The following SPTBN5 variants were observed in gnomAD, a reference collection of about 807,000 sequenced individuals.
SPTBN5 encodes the protein spectrin beta, non-erythrocytic 5, also known as spectrin beta chain, non-erythrocytic 5.
SPTBN5 carries 513 observed loss-of-function variants against 477.6 expected under a neutral mutation model. The observed-to-expected ratio is 1.07, with a 90% CI of 1.00 to 1.16. SPTBN5 has a LOEUF of 1.16. SPTBN5 is among the 50% of genes most tolerant of loss of function. The probability of loss-of-function intolerance (pLI) is 0.00; values close to 1 mark genes in which losing one functional copy is unlikely to be tolerated. For synonymous variants in SPTBN5, 2,169 were observed against 2,011.7 expected (o/e 1.08, Z -2.09); for missense variants, 5,062 against 4,731.8 (o/e 1.07, Z -2.05).
At chr15:41,850,709 T>C in intron 66 of SPTBN5, 145 bp downstream of exon 66, 1 of 745,278 alleles carries the variant, frequency 1.3e-6, no homozygotes, top group Non-Finnish European at 2.1e-6. Flanking sequence ...CCTAAATTCT[T>C]TGAGGAAAAA....
At position 41,886,289 on chromosome 15, in the gene SPTBN5, A is replaced by G. The variant is rs775887912; in HGVS notation, c.966T>C (p.Ile322=). ...EQLVADLLRW[I]AEKQMQLEAR... is the part of the protein sequence containing the mutation. ...CCTCCAGCTGCATCTGCTTCTCTGC[A>G]ATCCAGCGTAGAAGGTCAGCCACCA... Residue 322 remains isoleucine, a synonymous_variant, in exon 7 of 68, where the codon ATT becomes ATC. Coordinates refer to ENST00000320955, the MANE Select transcript of SPTBN5 (RefSeq NM_016642.4). 5 of 1,613,224 alleles carry G rather than the reference A, an allele frequency of 3.1e-6. No homozygotes were observed. In the African/African-American group the frequency reaches 5.3e-5, roughly 17 times the overall value.
rs773203054 is a variant in SPTBN5 at position 41,868,610 on chromosome 15, G to A, written c.5854-9C>T. ...GAGGCATAGTCACGCACCTGATCCC[G>A]GGGACACGGAGGGAGAGCCGGGTGA... On this transcript the variant is annotated splice_polypyrimidine_tract_variant and intron_variant, in intron 32 of 67. Coordinates refer to ENST00000320955, the MANE Select transcript of SPTBN5 (RefSeq NM_016642.4). 1.7e-5 allele frequency: 27 copies of A among 1,596,800 alleles called. No homozygotes were observed. Among genetic ancestry groups the A allele is most frequent in the African/African-American group, 1.5e-4 (11 of 74,892 alleles).
chr15:41,854,466 T>C (rs771894117), intron 56 of SPTBN5, among the ~76,000 whole-genome samples: 1 of 150,102 alleles, frequency 6.7e-6, no homozygotes, highest in Non-Finnish European at 1.5e-5. Flanking sequence ...CGCGAGGTGT[T>C]GGGTCCACGT....
At chr15:41,873,462 A>C (rs1445797872) in intron 26 of SPTBN5, 30 bp downstream of exon 26, 15 of 1,503,030 alleles carry the variant, frequency 1.0e-5, no homozygotes, top group African/African-American at 2.8e-5. Context: ...CACCCAGACC[A>C]CACTGCAGGG....
At chr15:41,865,218 G>A (rs943352362) in intron 39 of SPTBN5, among the ~76,000 whole-genome samples, 10 of 152,242 alleles carry the variant, frequency 6.6e-5, no homozygotes, top group African/African-American at 2.4e-4. Context: ...TGTTTGGTGT[G>A]TGTATGTGTG....
rs145537677 is a variant in SPTBN5 at position 41,881,253 on chromosome 15, C to A, written c.2458-19G>T. Reference sequence around the variant, plus strand: ...AGTTCACCTGTGTGACAAAGGGCAGCGCGTCTACAGGCGACCCCATCAAGC... The same window carrying A: ...AGTTCACCTGTGTGACAAAGGGCAGAGCGTCTACAGGCGACCCCATCAAGC... On this transcript the variant is annotated intron_variant, in intron 12 of 67. Coordinates refer to ENST00000320955, the MANE Select transcript of SPTBN5 (RefSeq NM_016642.4). 4 of 1,585,538 alleles carry A rather than the reference C, an allele frequency of 2.5e-6. No homozygotes were observed. Among genetic ancestry groups the A allele is most frequent in the Admixed American group, 1.8e-5 (1 of 56,336 alleles).
chr15:41,867,099 T>C lies in SPTBN5; in HGVS notation c.6340A>G (p.Thr2114Ala), dbSNP rs765835949. 24 of 1,541,126 alleles carry C rather than the reference T, an allele frequency of 1.6e-5. No homozygotes were observed. The African/African-American group carries it at 2.9e-4, about 18-fold the overall frequency. ...TCCCGCACCCGGGGGCGCCGGAGCG[T>C]CTTCAGCCGCTCACGCAGGGCTGCC... is the stretch of plus-strand genomic sequence containing the variant. ...KEAALRERLKTLRRPRVRDRL... is the reference protein window; with the variant it reads ...KEAALRERLKALRRPRVRDRL... The change falls in exon 36 of 68, where the codon ACG (threonine) becomes GCG (alanine). Residue 2114 changes from threonine (T) to alanine (A), a missense_variant. Transcript: ENST00000320955.
chr15:41,859,105 C>G (rs148614562), intron 47 of SPTBN5, 125 bp from the exon 48 acceptor site: 8 of 658,772 alleles, frequency 1.2e-5, no homozygotes, highest in Non-Finnish European at 1.9e-5. Context: ...AATAAAGGTA[C>G]ATTGCACTCC....
In SPTBN5 at chr15:41,870,238, C is replaced by T; in HGVS notation, c.5673+5G>A. Reference sequence around the variant, plus strand: ...TGGGTCGGAGAGGCAGCCAGCTGGGCTCACCTGCCGCTCGGTGCCCACGAG... The same window carrying T: ...TGGGTCGGAGAGGCAGCCAGCTGGGTTCACCTGCCGCTCGGTGCCCACGAG... On this transcript the variant is annotated splice_donor_5th_base_variant and intron_variant, in intron 31 of 67. Transcript: ENST00000320955. The T allele has an allele frequency of 6.5e-7, 1 of 1,547,442 alleles. No individual in the cohort carries two copies. Among genetic ancestry groups the T allele is most frequent in the Non-Finnish European group, 8.7e-7 (1 of 1,146,142 alleles).
In SPTBN5 at chr15:41,858,576, C is replaced by T. The variant is rs760264219; in HGVS notation, c.8226+26G>A. ...GTGTTCTGCCTGGAGAGCTGTCCCA[C>T]CACCCTCCTGCCTGCAGGGCCTCAC... On this transcript the variant is annotated intron_variant, in intron 49 of 67. Transcript: ENST00000320955. 5 of 1,603,222 alleles carry T rather than the reference C, an allele frequency of 3.1e-6. No individual in the cohort carries two copies. The Admixed American group carries it at 8.4e-5, about 27-fold the overall frequency.
chr15:41,868,505 C>G lies in SPTBN5; in HGVS notation c.5950G>C (p.Ala1984Pro). 1 of 1,610,776 alleles carries G rather than the reference C, an allele frequency of 6.2e-7. No individual in the cohort carries two copies. The highest frequency in any genetic ancestry group is 1.3e-5 in the African/African-American group (1 of 75,056). ...EPSSGPLKLS[A>P]HQWLRAELEA... is the part of the protein sequence containing the mutation. ...AGCTCCGCCCGGAGCCACTGGTGGG[C>G]ACTGAGCTTCAGCGGGCCACTGCTA... The change falls in exon 33 of 68, where the codon GCC (alanine) becomes CCC (proline). Residue 1984 changes from alanine (A) to proline (P), a missense_variant. Ala to Pro is a conservative substitution (Grantham distance 27). Coordinates refer to ENST00000320955, the MANE Select transcript of SPTBN5 (RefSeq NM_016642.4).
At chr15:41,874,531 C>T (rs1157452579) in intron 23 of SPTBN5, 53 bp from the exon 24 acceptor site, 9 of 1,442,316 alleles carry the variant, frequency 6.2e-6, no homozygotes, top group Non-Finnish European at 6.5e-6. Context: ...GAGCACAAGG[C>T]TCCTGGTTCT....
chr15:41,870,039 A>T lies in SPTBN5; in HGVS notation c.5674-19T>A. ...CCTGCAGCTGCGGGAGGGGCAGGGA[A>T]TAGGGAGGCAAGGGTCATGTCCTCC... On this transcript the variant is annotated intron_variant, in intron 31 of 67. Coordinates refer to ENST00000320955, the MANE Select transcript of SPTBN5 (RefSeq NM_016642.4). 1 of 1,468,088 alleles carries T rather than the reference A, an allele frequency of 6.8e-7. No individual in the cohort carries two copies. Among genetic ancestry groups the T allele is most frequent in the Non-Finnish European group, 9.0e-7 (1 of 1,106,772 alleles). 90.9% of individuals were successfully genotyped at this position (1,468,088 alleles called of 1,614,324 possible). A position where few individuals can be genotyped will look rare whatever the true frequency, so the allele number is the denominator to read the frequency against.
chr15:41,857,859 T>C, intron 49 of SPTBN5, 149 bp from the exon 50 acceptor site: 1 of 909,182 alleles, frequency 1.1e-6, no homozygotes, highest in Non-Finnish European at 1.6e-6. Flanking sequence ...TAAGCCTCAT[T>C]TTCCTCATCC....
intron 7 of SPTBN5, among the ~76,000 whole-genome samples, chr15:41,884,080 G>A (rs1161931324): frequency 6.6e-6 from 1 of 152,202 alleles, no homozygotes; most frequent in Non-Finnish European, 1.5e-5. Context: ...CCGCCTCCCA[G>A]GTTCATGCCA....
At chr15:41,882,939 T>C (rs900603532) in intron 9 of SPTBN5, 57 bp downstream of exon 9, 4 of 1,471,456 alleles carry the variant, frequency 2.7e-6, no homozygotes, top group Non-Finnish European at 3.7e-6. Flanking sequence ...GGGCAGGAGA[T>C]AATTTGGGTT....
intron 39 of SPTBN5, 99 bp downstream of exon 39, chr15:41,865,709 G>A (rs573428466): frequency 2.7e-5 from 30 of 1,112,818 alleles, no homozygotes; most frequent in African/African-American, 2.5e-4. Context: ...CAGGCATGGC[G>A]CCCACGCCCT....
intron 57 of SPTBN5, 32 bp from the exon 58 acceptor site, chr15:41,853,819 C>G (rs534103161): frequency 6.6e-6 from 10 of 1,520,330 alleles, no homozygotes; most frequent in Admixed American, 2.0e-5. Context: ...AGGCCTCAGT[C>G]CCCCCACTGA....
chr15:41,890,071 C>T lies in SPTBN5; in HGVS notation c.501+18G>A. On this transcript the variant is annotated intron_variant, in intron 4 of 67. Coordinates refer to ENST00000320955, the MANE Select transcript of SPTBN5 (RefSeq NM_016642.4). ...GGGCTGGGTCACCAGGTGCTGGGTA[C>T]TGGGGACTGAGCCATACCTTGTCCA... 1 of 1,565,452 alleles carries T rather than the reference C, an allele frequency of 6.4e-7. No homozygotes were observed. Among genetic ancestry groups the T allele is most frequent in the Non-Finnish European group, 8.8e-7 (1 of 1,141,560 alleles).
Sources: gnomAD v4.1 joint callset for allele counts (sites outside exome capture counted in the v4.1 genomes callset) on GRCh38, gnomAD v4.1.1 for gene constraint, MANE v1.5 for transcripts, NCBI Gene and HGNC (gene_info 2026-07-23, HGNC 2026-07-21) for gene names.